CMSS1: variants seen among roughly 807,000 people sequenced by gnomAD.
CMSS1 encodes protein CMSS1.
Under a neutral mutation model 43.5 loss-of-function variants are expected in CMSS1, and 33 were observed. The observed-to-expected ratio is 0.76, with a 90% confidence interval of 0.57 to 1.01. The LOEUF (loss-of-function observed/expected upper bound fraction) is 1.01, where lower values mean the gene tolerates loss of function less well. Among genes scored for constraint, CMSS1 ranks in the 50% least tolerant of loss-of-function variants. The pLI, the probability that CMSS1 is intolerant of heterozygous loss-of-function variation, is 0.00. For synonymous variants in CMSS1, 115 were observed against 117.2 expected, an observed-to-expected ratio of 0.98 and a Z score of 0.12; for missense variants, 313 against 326.4, an observed-to-expected ratio of 0.96 and a Z score of 0.32.
chr3:99,933,316 C>T (rs915130660), intron 1 of CMSS1, among the ~76,000 whole-genome samples: 3 of 152,122 alleles, frequency 2.0e-5, no homozygotes, highest in Non-Finnish European at 2.9e-5. Context: ...CAGTAGTTGT[C>T]ACTGGCTCTT....
chr3:100,154,848 T>G (rs1402491113), intron 2 of CMSS1, among the ~76,000 whole-genome samples: 1 of 152,058 alleles, frequency 6.6e-6, no homozygotes, highest in Non-Finnish European at 1.5e-5. Context: ...GGCACACCCC[T>G]GTAATCCCAG....
intron 1 of CMSS1, among the ~76,000 whole-genome samples, chr3:100,082,140 C>CTTT (rs1313004174): frequency 4.5e-4 from 68 of 152,258 alleles, no homozygotes; most frequent in African/African-American, 1.5e-3. Flanking sequence ...TTGCAAAATA[C>CTTT]AAACAACTCT....
At chr3:100,157,938 C>T (rs903973067) in intron 2 of CMSS1, among the ~76,000 whole-genome samples, 22 of 152,150 alleles carry the variant, frequency 1.4e-4, no homozygotes, top group African/African-American at 5.3e-4. Context: ...TTCTCAGAGT[C>T]GAGCAGGTCA....
Position 99,833,267 on chromosome 3 carries a change from G to A in CMSS1, c.64+15224G>A, listed in dbSNP as rs774623358. 9 of 1,609,750 alleles carry A rather than the reference G, an allele frequency of 5.6e-6. No homozygotes were observed. The South Asian group carries it at 9.9e-5, about 18-fold the overall frequency. ...GGCAGAAGAAGTGGTTCCACCTAGGGAGCAGTAGAAAGAAGAGGAGTAAAT... is the reference window on the plus strand; with the variant it reads ...GGCAGAAGAAGTGGTTCCACCTAGGAAGCAGTAGAAAGAAGAGGAGTAAAT... On this transcript the variant is annotated intron_variant, in intron 1 of 9. Transcript: ENST00000421999.
intron 1 of CMSS1, chr3:99,924,560 C>G (rs1327583649): frequency 1.3e-6 from 1 of 772,986 alleles, no homozygotes; most frequent in South Asian, 1.7e-5. Flanking sequence ...CTGTCGTTGC[C>G]CAGGCTGGAG....
At chr3:100,107,314 A>G (rs146584024) in intron 1 of CMSS1, among the ~76,000 whole-genome samples, 57 of 152,288 alleles carry the variant, frequency 3.7e-4, no homozygotes, top group Non-Finnish European at 6.2e-4. Flanking sequence ...TTATGATGCC[A>G]TCTGGGAAAA....
intron 1 of CMSS1, among the ~76,000 whole-genome samples, chr3:99,894,870 G>T (rs190342367): frequency 6.6e-6 from 1 of 152,154 alleles, no homozygotes; most frequent in African/African-American, 2.4e-5. Context: ...TCTTGCAAAC[G>T]TATAGAGTTC....
At chr3:100,157,209 G>A (rs769803089) in intron 2 of CMSS1, among the ~76,000 whole-genome samples, 29 of 151,624 alleles carry the variant, frequency 1.9e-4, no homozygotes, top group Admixed American at 3.3e-4. Flanking sequence ...AGCCTTCCTC[G>A]TTTATTTTTA....
At chr3:100,076,033 T>G (rs2065844913) in intron 1 of CMSS1, among the ~76,000 whole-genome samples, 1 of 152,198 alleles carries the variant, frequency 6.6e-6, no homozygotes, top group Non-Finnish European at 1.5e-5. Flanking sequence ...TAAAATTCTG[T>G]GATTCTGAGT....
At chr3:99,931,081 T>G in intron 1 of CMSS1, 3 of 1,460,752 alleles carry the variant, frequency 2.1e-6, no homozygotes, top group Non-Finnish European at 2.8e-6. Context: ...GGAGTTTTAA[T>G]AAGAGTACCT....
At chr3:99,894,712 G>A (rs1706193387) in intron 1 of CMSS1, among the ~76,000 whole-genome samples, 1 of 152,134 alleles carries the variant, frequency 6.6e-6, no homozygotes, top group Non-Finnish European at 1.5e-5. Flanking sequence ...TCCCAGACTA[G>A]CACAAGGAAG....
At chr3:99,900,174 G>A (rs2107625426) in intron 1 of CMSS1, among the ~76,000 whole-genome samples, 1 of 152,144 alleles carries the variant, frequency 6.6e-6, no homozygotes, top group Non-Finnish European at 1.5e-5. Context: ...ATATAATGGT[G>A]ATATCATTAG....
Position 100,110,663 on chromosome 3 carries a change from A to G in CMSS1, c.65-36310A>G, listed in dbSNP as rs72936564. Among the ~76,000 whole-genome samples, 707 of 152,298 alleles carry G rather than the reference A, an allele frequency of 4.6e-3. 6 individuals are homozygous for G. Among genetic ancestry groups the G allele is most frequent in the African/African-American group, 0.016 (678 of 41,574 alleles). Reference sequence around the variant, plus strand: ...CTATGTGGCTTAACTCTCAAAATCCATCAGAAAAACCTTCTCCATTCACTG... The same window carrying G: ...CTATGTGGCTTAACTCTCAAAATCCGTCAGAAAAACCTTCTCCATTCACTG... On this transcript the variant is annotated intron_variant, in intron 1 of 9. Coordinates refer to ENST00000421999, the MANE Select transcript of CMSS1 (RefSeq NM_032359.4).
rs1553702701 is a variant in CMSS1, at chr3:99,983,389, A to AATATGTATATAT, written c.65-163580_65-163579insGTATATATATAT. On this transcript the variant is annotated intron_variant, in intron 1 of 9. Coordinates refer to ENST00000421999, the MANE Select transcript of CMSS1 (RefSeq NM_032359.4). ...TCTCTACTTAAAAAATAAATAAATA[A>AATATGTATATAT]ATATATATATATATATATATATATA... Among the ~76,000 whole-genome samples the AATATGTATATAT allele has an allele frequency of 1.8e-3, 72 of 40,762 alleles. 4 individuals carry two copies. The highest frequency in any genetic ancestry group is 3.0e-3 in the Admixed American group (9 of 2,984). The allele number at this position is 40,762 out of a possible 152,430, so 26.7% of individuals were successfully genotyped here.
chr3:99,917,695 G>C (rs1706995271), intron 1 of CMSS1, among the ~76,000 whole-genome samples: 1 of 152,146 alleles, frequency 6.6e-6, no homozygotes, highest in East Asian at 1.9e-4. Context: ...GAGTGGACTT[G>C]GATGTGCAAA....
intron 2 of CMSS1, among the ~76,000 whole-genome samples, chr3:100,156,464 A>G (rs1462133932): frequency 6.6e-6 from 1 of 151,192 alleles, no homozygotes; most frequent in East Asian, 1.9e-4. Flanking sequence ...GTGCGCCACC[A>G]CGCCCAGCTA....
intron 1 of CMSS1, among the ~76,000 whole-genome samples, chr3:99,825,111 T>C (rs1295536944): frequency 1.3e-5 from 2 of 152,238 alleles, no homozygotes; most frequent in African/African-American, 4.8e-5. Flanking sequence ...GTAGATGTTG[T>C]AAGGCATTGT....
In CMSS1 at chr3:99,983,428, GTATGTATATA is replaced by G. The variant is rs1489553983; in HGVS notation, c.65-163537_65-163528del. 4.2e-3 allele frequency among the ~76,000 whole-genome samples: 200 copies of G among 47,116 alleles called. 1 individual carries two copies. Among genetic ancestry groups the G allele is most frequent in the African/African-American group, 9.8e-3 (98 of 9,980 alleles). 30.9% of individuals were successfully genotyped at this position (47,116 alleles called of 152,430 possible). On this transcript the variant is annotated intron_variant, in intron 1 of 9. Coordinates refer to ENST00000421999, the MANE Select transcript of CMSS1 (RefSeq NM_032359.4). ...TATATATATATATATATGTATGTAT[GTATGTATATA>G]TATGTATGTATATATATATATGTGT...
intron 1 of CMSS1, chr3:100,040,715 T>C (rs2065190791): frequency 6.6e-6 from 1 of 152,224 alleles, no homozygotes; most frequent in Non-Finnish European, 1.5e-5. Flanking sequence ...GAACAGGATG[T>C]CCTATGCCAA....
Sources: allele counts gnomAD v4.1 joint callset (sites outside exome capture counted in the v4.1 genomes callset), GRCh38; gene constraint gnomAD v4.1.1; transcripts MANE v1.5; gene names NCBI Gene and HGNC (gene_info 2026-07-23, HGNC 2026-07-21).